The following USP34 variants were observed in gnomAD, a reference collection of about 807,000 sequenced individuals.
USP34 encodes the protein ubiquitin specific peptidase 34, also known as ubiquitin carboxyl-terminal hydrolase 34.
In USP34, 70 loss-of-function variants were observed where a neutral mutation model predicts 460.3. The observed-to-expected ratio is 0.15, with a 90% CI of 0.13 to 0.19. USP34 has a LOEUF of 0.19. Ranked by LOEUF, USP34 falls within the 10% of genes least tolerant of loss-of-function variation. The pLI is 1.00. For synonymous variants in USP34, 1,647 were observed against 1,405.3 expected (o/e 1.17, Z -3.85); for missense variants, 3,985 against 4,236.2 (o/e 0.94, Z 1.65).
At chr2:61,457,958 G>C (rs1353819756) in intron 1 of USP34, among the ~76,000 whole-genome samples, 1 of 152,106 alleles carries the variant, frequency 6.6e-6, no homozygotes, top group East Asian at 1.9e-4. Context: ...CGAGAAAACA[G>C]GAAACACCAC....
intron 1 of USP34, among the ~76,000 whole-genome samples, chr2:61,425,068 T>C (rs1238079125): frequency 6.6e-6 from 1 of 152,148 alleles, no homozygotes; most frequent in East Asian, 1.9e-4. Flanking sequence ...TCCACCTGCC[T>C]TGGCCTCCTG....
chr2:61,467,896 C>T (rs892279088), intron 1 of USP34, among the ~76,000 whole-genome samples: 1 of 152,048 alleles, frequency 6.6e-6, no homozygotes, highest in African/African-American at 2.4e-5. Flanking sequence ...GTTGGGAATA[C>T]AGGCGTGAGC....
chr2:61,257,854 A>G (rs1451038868), intron 44 of USP34, among the ~76,000 whole-genome samples: 2 of 152,208 alleles, frequency 1.3e-5, no homozygotes, highest in Admixed American at 6.5e-5. Flanking sequence ...CAGCCTGGCA[A>G]CAGCAAGACT....
At chr2:61,265,722 T>C in intron 42 of USP34, 165 bp from the exon 43 acceptor site, 2 of 738,200 alleles carry the variant, frequency 2.7e-6, no homozygotes, top group Middle Eastern at 4.4e-4. Flanking sequence ...AAAACTAATT[T>C]ATTCTCTAAA....
At chr2:61,201,285 G>C (rs1431429314) in intron 75 of USP34, among the ~76,000 whole-genome samples, 1 of 145,762 alleles carries the variant, frequency 6.9e-6, no homozygotes, top group Admixed American at 7.1e-5. Flanking sequence ...GCTTGATCTC[G>C]GCTCACGGCA....
At chr2:61,389,491 C>T (rs888076694) in intron 5 of USP34, among the ~76,000 whole-genome samples, 8 of 151,856 alleles carry the variant, frequency 5.3e-5, no homozygotes. Flanking sequence ...AATGTCAATA[C>T]AAGAAAAAAT....
chr2:61,306,942 T>G (rs2103658902), intron 27 of USP34, among the ~76,000 whole-genome samples: 1 of 152,300 alleles, frequency 6.6e-6, no homozygotes, highest in East Asian at 1.9e-4. Flanking sequence ...AAATACCATT[T>G]GACCCAGCCA....
intron 10 of USP34, among the ~76,000 whole-genome samples, chr2:61,358,046 G>A (rs1458557231): frequency 3.9e-5 from 6 of 152,058 alleles, no homozygotes; most frequent in Non-Finnish European, 7.4e-5. Flanking sequence ...CAAAAAATTT[G>A]CTGGGTGTGG....
chr2:61,380,865 G>T (rs1692948230), intron 6 of USP34, among the ~76,000 whole-genome samples: 1 of 152,182 alleles, frequency 6.6e-6, no homozygotes, highest in Non-Finnish European at 1.5e-5. Context: ...CAACTGACAT[G>T]AAGCCAACTA....
chr2:61,200,518 A>G (rs948632269), intron 75 of USP34: 8 of 152,280 alleles, frequency 5.3e-5, no homozygotes, highest in African/African-American at 1.9e-4. Flanking sequence ...ACCAATCTTA[A>G]GATCTGCTCA....
At chr2:61,417,357 C>A in intron 2 of USP34, 1 of 597,492 alleles carries the variant, frequency 1.7e-6, no homozygotes. Flanking sequence ...GAAAGGAATT[C>A]AGTCAGCTTA....
chr2:61,329,228 G>C (rs565731148), intron 20 of USP34, among the ~76,000 whole-genome samples: 6 of 151,596 alleles, frequency 4.0e-5, no homozygotes, highest in Admixed American at 3.3e-4. Context: ...GTTTCTCCAT[G>C]TTGGTCAGGC....
At position 61,232,549 on chromosome 2, in the gene USP34, C is replaced by T. The variant is rs1395962966; in HGVS notation, c.7033-17G>A. The stretch of plus-strand genomic sequence containing the variant: ...TAAAAACCACTGTTAAAAAAAAATA[C>T]AGCATGACTTTAACATTCAACAAAT... On this transcript the variant is annotated splice_polypyrimidine_tract_variant and intron_variant, in intron 57 of 79. Coordinates refer to ENST00000398571, the MANE Select transcript of USP34 (RefSeq NM_014709.4). 3.2e-6 allele frequency: 5 copies of T among 1,586,770 alleles called. No individual in the cohort carries two copies. The highest frequency in any genetic ancestry group is 2.6e-6 in the Non-Finnish European group (3 of 1,166,318).
intron 1 of USP34, among the ~76,000 whole-genome samples, chr2:61,435,372 A>C (rs1052064346): frequency 6.6e-6 from 1 of 151,484 alleles, no homozygotes; most frequent in African/African-American, 2.4e-5. Context: ...GTCACAAATA[A>C]AAGTATCTCC....
rs553007673 is a variant in USP34 at position 61,415,636 on chromosome 2, A to T, written c.131+5110T>A. ...TCAAAACCAACATCTCAAAAAGCTG[A>T]CAACAGAAAGGAGGGTGAGGAGACA... On this transcript the variant is annotated intron_variant, in intron 2 of 79. Coordinates refer to ENST00000398571, the MANE Select transcript of USP34 (RefSeq NM_014709.4). 3.9e-4 allele frequency among the ~76,000 whole-genome samples: 59 copies of T among 152,344 alleles called. 1 individual carries two copies. The highest frequency in any genetic ancestry group is 1.4e-3 in the African/African-American group (59 of 41,594).
intron 62 of USP34, among the ~76,000 whole-genome samples, chr2:61,226,016 T>C (rs1358621882): frequency 6.6e-6 from 1 of 152,196 alleles, no homozygotes; most frequent in Non-Finnish European, 1.5e-5. Flanking sequence ...CTGTAATGGC[T>C]ATTCACAGGT....
intron 41 of USP34, among the ~76,000 whole-genome samples, chr2:61,271,204 T>C (rs1048623238): frequency 6.6e-6 from 1 of 152,122 alleles, no homozygotes; most frequent in African/African-American, 2.4e-5. Flanking sequence ...TTTGGGAGGC[T>C]GAGGCAGGGG....
chr2:61,253,875 C>T (rs1467089485), intron 48 of USP34, among the ~76,000 whole-genome samples: 2 of 152,086 alleles, frequency 1.3e-5, no homozygotes, highest in African/African-American at 2.4e-5. Flanking sequence ...GCTGGGACTA[C>T]AGGCGTGAGC....
intron 27 of USP34, among the ~76,000 whole-genome samples, chr2:61,303,302 G>T (rs1166032062): frequency 6.6e-6 from 1 of 152,076 alleles, no homozygotes; most frequent in Non-Finnish European, 1.5e-5. Context: ...TTGACCTCCG[G>T]TGATCCGCCT....
Sources: allele counts gnomAD v4.1 joint callset (sites outside exome capture counted in the v4.1 genomes callset), GRCh38; gene constraint gnomAD v4.1.1; transcripts MANE v1.5; gene names NCBI Gene and HGNC (gene_info 2026-07-23, HGNC 2026-07-21).